Variants in CDYL observed in about 807,000 individuals in gnomAD.
CDYL encodes chromodomain Y-like protein.
A neutral mutation model predicts 47.3 loss-of-function variants in CDYL; 8 were observed. That is an observed-to-expected ratio of 0.17 (90% confidence interval 0.10 to 0.31). The LOEUF (loss-of-function observed/expected upper bound fraction) is 0.31, where lower values mean the gene tolerates loss of function less well. Ranked by LOEUF, CDYL falls within the 10% of genes least tolerant of loss-of-function variation. The probability of loss-of-function intolerance (pLI) is 1.00; values close to 1 mark genes in which losing one functional copy is unlikely to be tolerated. For synonymous variants in CDYL, 266 were observed against 265.0 expected (o/e 1.00, Z -0.04); for missense variants, 471 against 701.4 (o/e 0.67, Z 3.71).
intron 2 of CDYL, among the ~76,000 whole-genome samples, chr6:4,718,912 G>A (rs201322594): frequency 7.5e-6 from 1 of 132,806 alleles, no homozygotes; most frequent in Non-Finnish European, 1.7e-5. Flanking sequence ...ATTTCCACTG[G>A]TTTTTTTTTT....
At chr6:4,734,705 G>A in intron 2 of CDYL, 3 of 1,603,480 alleles carry the variant, frequency 1.9e-6, no homozygotes, top group Non-Finnish European at 2.6e-6. Flanking sequence ...GGAAGATGGG[G>A]ATGGGGAAGA....
intron 4 of CDYL, among the ~76,000 whole-genome samples, chr6:4,940,500 G>A (rs943193104): frequency 4.6e-5 from 7 of 151,430 alleles, no homozygotes; most frequent in African/African-American, 1.7e-4. Context: ...AAAGCGGGAA[G>A]CAAACAGGAA....
intron 3 of CDYL, among the ~76,000 whole-genome samples, chr6:4,745,410 C>T (rs1324671213): frequency 5.2e-5 from 7 of 135,446 alleles, no homozygotes; most frequent in Non-Finnish European, 5.0e-5. Flanking sequence ...TCTCAGAAAA[C>T]CCCCTCTTTC....
At chr6:4,753,121 G>A (rs182635984) in intron 3 of CDYL, among the ~76,000 whole-genome samples, 21 of 152,006 alleles carry the variant, frequency 1.4e-4, no homozygotes, top group Non-Finnish European at 2.5e-4. Context: ...CATGTAGCTC[G>A]GGCTGGACTC....
chr6:4,931,485 G>A (rs1431716883), intron 2 of CDYL, among the ~76,000 whole-genome samples: 2 of 152,136 alleles, frequency 1.3e-5, no homozygotes, highest in Non-Finnish European at 2.9e-5. Flanking sequence ...AAGAACACAT[G>A]CAAAGGTCCT....
intron 2 of CDYL, among the ~76,000 whole-genome samples, chr6:4,905,123 T>TA (rs1415749956): frequency 1.3e-5 from 2 of 152,190 alleles, no homozygotes; most frequent in African/African-American, 4.8e-5. Flanking sequence ...AGCCCAGTAG[T>TA]AACCTGGCTG....
chr6:4,848,357 C>T (rs538383079), intron 1 of CDYL, among the ~76,000 whole-genome samples: 12 of 152,180 alleles, frequency 7.9e-5, no homozygotes, highest in South Asian at 2.1e-4. Flanking sequence ...TGGAGAGTTT[C>T]GTAAAGACTT....
At chr6:4,733,319 T>C (rs951948943) in intron 2 of CDYL, 7 of 151,930 alleles carry the variant, frequency 4.6e-5, no homozygotes, top group Non-Finnish European at 1.0e-4. Context: ...AAAAGCCATG[T>C]CCCTGTTCCG....
chr6:4,783,572 A>T (rs112073676), intron 1 of CDYL, among the ~76,000 whole-genome samples: 9,442 of 151,980 alleles, frequency 0.062, 321 homozygotes, highest in Middle Eastern at 0.089. Context: ...ATGCACCACC[A>T]TGCCTGGCTA....
intron 3 of CDYL, among the ~76,000 whole-genome samples, chr6:4,736,024 A>G (rs929717050): frequency 2.0e-5 from 3 of 152,162 alleles, no homozygotes; most frequent in Non-Finnish European, 4.4e-5. Context: ...TAGAACTTGT[A>G]TAAGGGAAAT....
chr6:4,707,532 A>T (rs1374080817), intron 1 of CDYL, among the ~76,000 whole-genome samples: 1 of 152,166 alleles, frequency 6.6e-6, no homozygotes. Context: ...TCGGCCTCCC[A>T]AAGTGCTGGG....
At chr6:4,924,828 G>C (rs1210050480) in intron 2 of CDYL, among the ~76,000 whole-genome samples, 1 of 152,192 alleles carries the variant, frequency 6.6e-6, no homozygotes. Flanking sequence ...CAGGGCTTAT[G>C]GGGGAAATGA....
intron 1 of CDYL, among the ~76,000 whole-genome samples, chr6:4,842,586 C>T (rs1450430675): frequency 6.6e-6 from 1 of 152,076 alleles, no homozygotes; most frequent in East Asian, 1.9e-4. Context: ...AGAATAGCTA[C>T]TCCTGCTTGC....
intron 2 of CDYL, among the ~76,000 whole-genome samples, chr6:4,718,290 T>C (rs925142666): frequency 3.9e-5 from 6 of 152,074 alleles, no homozygotes; most frequent in Non-Finnish European, 8.8e-5. Context: ...TTTTTTTCTG[T>C]TTTTCGTTTG....
chr6:4,806,258 G>A (rs1226944313), intron 1 of CDYL, among the ~76,000 whole-genome samples: 5 of 152,166 alleles, frequency 3.3e-5, no homozygotes, highest in African/African-American at 7.2e-5. Context: ...GGCAAAGCCT[G>A]GCATCAAGCG....
intron 1 of CDYL, among the ~76,000 whole-genome samples, chr6:4,819,162 C>CTCTCTCTCTCTCTCTGTGTGTGTG (rs1016051589): frequency 8.9e-6 from 1 of 111,944 alleles, no homozygotes; most frequent in African/African-American, 4.8e-5. Flanking sequence ...CTCTCTCTCT[C>CTCTCTCTCTCTCTCTGTGTGTGTG]TGTGTGTGTG....
intron 3 of CDYL, among the ~76,000 whole-genome samples, chr6:4,761,533 A>G (rs1266030595): frequency 1.3e-5 from 2 of 151,844 alleles, no homozygotes; most frequent in Admixed American, 6.6e-5. Context: ...TAATAGAGAC[A>G]GGGTTTCACC....
At chr6:4,874,392 C>A (rs946079123) in intron 1 of CDYL, among the ~76,000 whole-genome samples, 6 of 152,108 alleles carry the variant, frequency 3.9e-5, no homozygotes, top group African/African-American at 9.7e-5. Flanking sequence ...GTTGGCGAGG[C>A]CTTCCCCACT....
chr6:4,890,403 T>A (rs189384251), intron 1 of CDYL, among the ~76,000 whole-genome samples: 1 of 152,308 alleles, frequency 6.6e-6, no homozygotes, highest in Non-Finnish European at 1.5e-5. Context: ...TAATTCTGAC[T>A]CTGTGGAGAT....
Sources: gnomAD v4.1 joint callset for allele counts (sites outside exome capture counted in the v4.1 genomes callset) on GRCh38, gnomAD v4.1.1 for gene constraint, MANE v1.5 for transcripts, NCBI Gene and HGNC (gene_info 2026-07-23, HGNC 2026-07-21) for gene names.